The following SNX30 variants were observed in gnomAD, a reference collection of about 807,000 sequenced individuals.
The protein encoded by SNX30 is sorting nexin family member 30.
SNX30 carries 24 observed loss-of-function variants against 46.4 expected under a neutral mutation model. The ratio of observed to expected loss-of-function variants is 0.52; its 90% CI spans 0.37 to 0.73. SNX30 has a LOEUF of 0.73. SNX30 is among the 30% of genes least tolerant of loss of function. The pLI is 0.00. For synonymous variants in SNX30, 189 were observed against 211.5 expected, an observed-to-expected ratio of 0.89 and a Z score of 0.92; for missense variants, 533 against 555.7, an observed-to-expected ratio of 0.96 and a Z score of 0.41.
rs73548616 is a variant in SNX30, at chr9:112,772,803, C to T, written c.156+21646C>T. 8.8e-3 allele frequency among the ~76,000 whole-genome samples: 1,333 copies of T among 152,222 alleles called. 24 individuals are homozygous for T. Among genetic ancestry groups the T allele is most frequent in the African/African-American group, 0.03 (1,254 of 41,522 alleles). On this transcript the variant is annotated intron_variant, in intron 1 of 8. Transcript: ENST00000374232. ...ACGAATATGTCTTCAAGTGTTGATC[C>T]TGGCGTGTTTGCTCCTTGATTTAAA...
chr9:112,789,795 G>A (rs1839992075), intron 1 of SNX30, among the ~76,000 whole-genome samples: 1 of 152,216 alleles, frequency 6.6e-6, no homozygotes, highest in Non-Finnish European at 1.5e-5. Flanking sequence ...GTTAAGAAGT[G>A]TTCTTTTGCA....
intron 7 of SNX30, chr9:112,856,916 G>A (rs1051551167): frequency 5.9e-5 from 9 of 152,538 alleles, no homozygotes; most frequent in Non-Finnish European, 1.5e-5. Flanking sequence ...CTGCCAGTGC[G>A]GTGGTTTCCA....
At chr9:112,876,931 CAA>C (rs67151355), downstream of SNX30, among the ~76,000 whole-genome samples, 6 of 135,486 alleles carry the variant, frequency 4.4e-5, no homozygotes, top group African/African-American at 5.5e-5. Context: ...GTAAGACTGT[CAA>C]AAAAAAAAAA....
At chr9:112,776,934 C>G (rs1275204926) in intron 1 of SNX30, among the ~76,000 whole-genome samples, 1 of 152,172 alleles carries the variant, frequency 6.6e-6, no homozygotes, top group African/African-American at 2.4e-5. Flanking sequence ...GTTGCGTTAG[C>G]AACTTGGCAC....
intron 5 of SNX30, among the ~76,000 whole-genome samples, chr9:112,837,887 CTTT>C (rs10713538): frequency 0.015 from 1,094 of 71,192 alleles, 21 homozygotes; most frequent in African/African-American, 0.063. Context: ...TGGTTCTTTT[CTTT>C]TTTTTTTTTT....
At chr9:112,754,128 A>G (rs1391457812) in intron 1 of SNX30, among the ~76,000 whole-genome samples, 1 of 152,230 alleles carries the variant, frequency 6.6e-6, no homozygotes, top group Non-Finnish European at 1.5e-5. Context: ...TGGTCATAGT[A>G]CAGGGTTATT....
chr9:112,865,201 A>G (rs1381755033), intron 8 of SNX30, among the ~76,000 whole-genome samples: 1 of 128,484 alleles, frequency 7.8e-6, no homozygotes, highest in Admixed American at 8.3e-5. Flanking sequence ...CCACACCCAC[A>G]TACCTCACAC....
chr9:112,836,759 T>TAA (rs1423865204), intron 5 of SNX30, among the ~76,000 whole-genome samples: 3 of 152,206 alleles, frequency 2.0e-5, no homozygotes, highest in African/African-American at 7.2e-5. Flanking sequence ...TAAACAAACT[T>TAA]AGATACCTTT....
chr9:112,775,658 G>C (rs1420724058), intron 1 of SNX30, among the ~76,000 whole-genome samples: 6 of 150,932 alleles, frequency 4.0e-5, no homozygotes, highest in Non-Finnish European at 8.8e-5. Context: ...CTTTTGCCCA[G>C]GGCCTAGCAT....
intron 5 of SNX30, 26 bp downstream of exon 5, chr9:112,836,435 T>A: frequency 6.4e-7 from 1 of 1,572,136 alleles, no homozygotes; most frequent in Non-Finnish European, 8.7e-7. Context: ...AGGTCTCGAT[T>A]ATGCCCTGCA....
At chr9:112,753,319 A>G (rs1473365200) in intron 1 of SNX30, among the ~76,000 whole-genome samples, 1 of 152,136 alleles carries the variant, frequency 6.6e-6, no homozygotes, top group East Asian at 1.9e-4. Flanking sequence ...CTAATTACCG[A>G]TGGCTTCCTT....
At chr9:112,881,051 G>A (rs1294976592) in intron 5 of SNX30, among the ~76,000 whole-genome samples, 1 of 152,178 alleles carries the variant, frequency 6.6e-6, no homozygotes, top group Admixed American at 6.5e-5. Context: ...AGCAGAATTA[G>A]CTGCCTCATC....
chr9:112,856,083 C>T (rs1480492774), intron 7 of SNX30, among the ~76,000 whole-genome samples: 1 of 152,128 alleles, frequency 6.6e-6, no homozygotes, highest in African/African-American at 2.4e-5. Flanking sequence ...CTTGGTATAA[C>T]TAGCTCCAAA....
chr9:112,841,556 A>G (rs949130924), intron 6 of SNX30, among the ~76,000 whole-genome samples: 8 of 152,212 alleles, frequency 5.3e-5, no homozygotes, highest in African/African-American at 1.9e-4. Flanking sequence ...CCCAAGCTCT[A>G]TCCCCGATAG....
intron 1 of SNX30, among the ~76,000 whole-genome samples, chr9:112,797,258 A>C (rs987135251): frequency 4.6e-5 from 7 of 152,174 alleles, no homozygotes; most frequent in Non-Finnish European, 1.0e-4. Flanking sequence ...TCTGCAATTT[A>C]AAAAATCTAT....
chr9:112,793,464 G>GGTCACA (rs1157703162), intron 1 of SNX30, among the ~76,000 whole-genome samples: 23 of 152,272 alleles, frequency 1.5e-4, no homozygotes, highest in Middle Eastern at 3.4e-3. Flanking sequence ...GCATCCCCTT[G>GGTCACA]GTCACAGTCA....
chr9:112,786,890 C>A (rs1237756770), intron 1 of SNX30, among the ~76,000 whole-genome samples: 2 of 152,146 alleles, frequency 1.3e-5, no homozygotes, highest in Non-Finnish European at 2.9e-5. Context: ...GTTTAGAATA[C>A]CCTCTTCCTG....
At chr9:112,855,445 G>A (rs1378894998) in intron 7 of SNX30, among the ~76,000 whole-genome samples, 2 of 152,136 alleles carry the variant, frequency 1.3e-5, no homozygotes, top group Admixed American at 6.5e-5. Context: ...AACTTGCGCT[G>A]GATAAGGAGG....
At position 112,804,944 on chromosome 9, in the gene SNX30, A is replaced by G. The variant is rs1461508934; in HGVS notation, c.325A>G (p.Ile109Val). Residue 109 changes from isoleucine to valine, a missense_variant, in exon 2 of 9, where the codon ATC becomes GTC. Ile to Val is a conservative substitution (Grantham distance 29). This residue lies in a region of SNX30 where 191 missense variants were observed against 160.3 expected (regional missense o/e 1.19). Transcript: ENST00000374232. ...KKHVCTMETY[I>V]TYRITTKSTR... Reference sequence around the variant, plus strand: ...GCATGTGTGTACAATGGAGACTTACATCACCTATAGGATCACCACCAAAGT... The same window carrying G: ...GCATGTGTGTACAATGGAGACTTACGTCACCTATAGGATCACCACCAAAGT... The G allele has an allele frequency of 1.8e-5, 29 of 1,610,722 alleles. No homozygotes were observed. Among genetic ancestry groups the G allele is most frequent in the Non-Finnish European group, 2.0e-5 (24 of 1,177,954 alleles).
Sources: gnomAD v4.1 joint callset for allele counts (sites outside exome capture counted in the v4.1 genomes callset) on GRCh38, gnomAD v4.1.1 for gene constraint, gnomAD v4.1.1 regional missense constraint, MANE v1.5 for transcripts, NCBI Gene and HGNC (gene_info 2026-07-23, HGNC 2026-07-21) for gene names.